Variants in SUPV3L1 observed in about 807,000 individuals in gnomAD.
SUPV3L1 encodes Suv3 like RNA helicase.
In SUPV3L1, 35 loss-of-function variants were observed where a neutral mutation model predicts 70.0. The ratio of observed to expected loss-of-function variants is 0.50; its 90% CI spans 0.38 to 0.66. The LOEUF (loss-of-function observed/expected upper bound fraction) is 0.66, where lower values mean the gene tolerates loss of function less well. Among genes scored for constraint, SUPV3L1 ranks in the 30% least tolerant of loss-of-function variants. The pLI is 0.00. For synonymous variants in SUPV3L1, 364 were observed against 341.9 expected (o/e 1.06, Z -0.71); for missense variants, 777 against 961.5 (o/e 0.81, Z 2.54).
chr10:69,198,572 G>A lies in SUPV3L1; in HGVS notation c.1204+20G>A, dbSNP rs763687184. ...CACCTGGTAATTATTGACTTTCCTC[G>A]TGACAAGATATGAAATCTCCTATCT... On this transcript the variant is annotated intron_variant, in intron 9 of 14. Coordinates refer to ENST00000359655, the MANE Select transcript of SUPV3L1 (RefSeq NM_003171.5). 22 of 1,607,298 alleles carry A rather than the reference G, an allele frequency of 1.4e-5. No homozygotes were observed. In the East Asian group the frequency reaches 2.5e-4, roughly 18 times the overall value.
chr10:69,180,255 C>T lies in SUPV3L1; in HGVS notation c.-37C>T, dbSNP rs1842007521. The stretch of plus-strand genomic sequence containing the variant: ...GCGCGTCACTGTCCGCCGCCGTGTC[C>T]GCGGCTGCGCCAGACAGTGTAGAAC... On this transcript the variant is annotated 5_prime_UTR_variant, in exon 1 of 15. Coordinates refer to ENST00000359655, the MANE Select transcript of SUPV3L1 (RefSeq NM_003171.5). 1.3e-6 allele frequency: 2 copies of T among 1,588,516 alleles called. No individual in the cohort carries two copies. Among genetic ancestry groups the T allele is most frequent in the South Asian group, 2.2e-5 (2 of 89,796 alleles).
In SUPV3L1 at chr10:69,186,474, T is replaced by C. The variant is rs565904074; in HGVS notation, c.381T>C (p.Phe127=). Residue 127 remains phenylalanine (F), a synonymous_variant, in exon 3 of 15, where the codon TTT becomes TTC. Coordinates refer to ENST00000359655, the MANE Select transcript of SUPV3L1 (RefSeq NM_003171.5). ...TCTTCCACCAAGCTTTCATAAGCTT[T>C]AGAAATTATATTATGCAGTCTCATT... The part of the protein sequence containing the change: ...ARLFHQAFIS[F]RNYIMQSHSL... 2 of 1,614,058 alleles carry C rather than the reference T, an allele frequency of 1.2e-6. No individual in the cohort carries two copies. Among genetic ancestry groups the C allele is most frequent in the South Asian group, 1.1e-5 (1 of 91,038 alleles).
At chr10:69,203,234 G>T (rs564666471) in intron 13 of SUPV3L1, among the ~76,000 whole-genome samples, 191 bp downstream of exon 13, 1 of 152,282 alleles carries the variant, frequency 6.6e-6, no homozygotes, top group African/African-American at 2.4e-5. Flanking sequence ...TGAGCCAGGG[G>T]TTACTGTCTT....
In SUPV3L1 at chr10:69,201,976, G is replaced by C. The variant is rs575343416; in HGVS notation, c.1519-463G>C. On this transcript the variant is annotated intron_variant, in intron 11 of 14. Coordinates refer to ENST00000359655, the MANE Select transcript of SUPV3L1 (RefSeq NM_003171.5). Reference sequence around the variant, plus strand: ...ATGCCTCAGCCTCCCGAGTAGCTGGGATTACAGGCACGCAGCACCACACCC... The same window carrying C: ...ATGCCTCAGCCTCCCGAGTAGCTGGCATTACAGGCACGCAGCACCACACCC... Among the ~76,000 whole-genome samples, 17 of 152,122 alleles carry C rather than the reference G, an allele frequency of 1.1e-4. No homozygotes were observed. In the East Asian group the frequency reaches 3.1e-3, roughly 28 times the overall value.
At chr10:69,182,054 G>A (rs1026823067) in intron 1 of SUPV3L1, among the ~76,000 whole-genome samples, 2 of 149,742 alleles carry the variant, frequency 1.3e-5, no homozygotes, top group African/African-American at 4.9e-5. Flanking sequence ...GAGTATAGTG[G>A]TATGATCATA....
intron 7 of SUPV3L1, among the ~76,000 whole-genome samples, chr10:69,195,547 GTCTTT>G (rs1268527716): frequency 3.9e-5 from 6 of 152,010 alleles, no homozygotes; most frequent in African/African-American, 7.2e-5. Context: ...TTTCATGCTA[GTCTTT>G]TCTTTTTTGT....
At chr10:69,201,841 A>G (rs1264070873) in intron 11 of SUPV3L1, among the ~76,000 whole-genome samples, 1 of 100,832 alleles carries the variant, frequency 9.9e-6, no homozygotes, top group African/African-American at 3.8e-5. Flanking sequence ...ACCTGGCCGT[A>G]AAATCTTTTT....
chr10:69,203,115 T>C, intron 13 of SUPV3L1, 72 bp downstream of exon 13: 1 of 1,452,054 alleles, frequency 6.9e-7, no homozygotes, highest in Non-Finnish European at 9.3e-7. Flanking sequence ...TACTTTGTTA[T>C]TCAAAATAAA....
intron 12 of SUPV3L1, 117 bp downstream of exon 12, chr10:69,202,636 A>G: frequency 8.4e-7 from 1 of 1,187,962 alleles, no homozygotes. Flanking sequence ...TATTTATAAA[A>G]TTTATTTTAC....
Position 69,199,145 on chromosome 10 carries a change from G to A in SUPV3L1, c.1246G>A (p.Asp416Asn). ...AQAKKFNDPN[D>N]PCKILVATDA... The stretch of plus-strand genomic sequence containing the variant: ...AGCAAAAAAGTTTAATGATCCCAAT[G>A]ACCCATGCAAAATCTTGGTTGCTAC... Residue 416 changes from aspartate (D) to asparagine (N), a missense_variant, in exon 10 of 15, where the codon GAC becomes AAC. By Grantham distance (23) the Asp-to-Asn change is conservative. Around this residue, in one of 2 missense-constraint regions of SUPV3L1, gnomAD observed 619 missense variants for 823.3 expected, o/e 0.75. Transcript: ENST00000359655. 2 of 1,612,722 alleles carry A rather than the reference G, an allele frequency of 1.2e-6. No individual in the cohort carries two copies. Among genetic ancestry groups the A allele is most frequent in the South Asian group, 1.1e-5 (1 of 90,652 alleles).
At chr10:69,185,796 G>C (rs940270093) in intron 1 of SUPV3L1, among the ~76,000 whole-genome samples, 191 bp from the exon 2 acceptor site, 3 of 151,998 alleles carry the variant, frequency 2.0e-5, no homozygotes, top group African/African-American at 7.3e-5. Flanking sequence ...CACCGTGCCC[G>C]GCCAACTCGA....
At chr10:69,197,769 G>A (rs7904007) in intron 8 of SUPV3L1, among the ~76,000 whole-genome samples, 33,609 of 151,982 alleles carry the variant, frequency 0.22, 3,981 homozygotes, top group African/African-American at 0.24. Flanking sequence ...GCATCTCACT[G>A]TGTTACCAAG....
rs753295339 is a variant in SUPV3L1, at chr10:69,180,301, T to C, written c.10T>C (p.Ser4Pro). 11 of 1,613,406 alleles carry C rather than the reference T, an allele frequency of 6.8e-6. No homozygotes were observed. The African/African-American group carries it at 8.0e-5, about 12-fold the overall frequency. MSF[S>P]RALLWARLPA... ...AGAACCTGCGGCCTCGATGTCCTTCTCCCGTGCCCTATTGTGGGCTCGGCT... is the reference window on the plus strand; with the variant it reads ...AGAACCTGCGGCCTCGATGTCCTTCCCCCGTGCCCTATTGTGGGCTCGGCT... The change falls in exon 1 of 15, where the codon TCC (serine) becomes CCC (proline). Residue 4 changes from serine to proline, a missense_variant. Ser to Pro is a moderately conservative substitution (Grantham distance 74). Around this residue, in one of 2 missense-constraint regions of SUPV3L1, gnomAD observed 158 missense variants for 138.3 expected, o/e 1.14. Transcript: ENST00000359655.
intron 5 of SUPV3L1, 21 bp from the exon 6 acceptor site, chr10:69,191,634 G>A (rs775074150): frequency 2.8e-5 from 45 of 1,596,658 alleles, no homozygotes; most frequent in Non-Finnish European, 3.9e-5. Flanking sequence ...AATAATTCTA[G>A]TTTTTTTTCT....
intron 1 of SUPV3L1, among the ~76,000 whole-genome samples, chr10:69,183,534 C>T (rs1240812880): frequency 6.6e-6 from 1 of 152,070 alleles, no homozygotes; most frequent in African/African-American, 2.4e-5. Context: ...CAGAAATTAG[C>T]CAGGCATGAT....
At chr10:69,191,568 T>A in intron 5 of SUPV3L1, 87 bp from the exon 6 acceptor site, 1 of 1,056,360 alleles carries the variant, frequency 9.5e-7, no homozygotes, top group Non-Finnish European at 1.4e-6. Flanking sequence ...ACTAATTTGG[T>A]GGTAGTGGAG....
At chr10:69,196,325 C>G (rs1436341665) in intron 7 of SUPV3L1, among the ~76,000 whole-genome samples, 1 of 152,056 alleles carries the variant, frequency 6.6e-6, no homozygotes, top group Non-Finnish European at 1.5e-5. Flanking sequence ...AACCCTGTCT[C>G]TACTAAAAAT....
Position 69,200,316 on chromosome 10 carries a change from G to T in SUPV3L1, c.1335G>T (p.Lys445Asn). 6.2e-7 allele frequency: 1 copy of T among 1,614,014 alleles called. No homozygotes were observed. The highest frequency in any genetic ancestry group is 8.5e-7 in the Non-Finnish European group (1 of 1,179,996). The change falls in exon 11 of 15, where the codon AAG (lysine) becomes AAT (asparagine). Residue 445 changes from lysine to asparagine, a missense_variant. By Grantham distance (94) the Lys-to-Asn change is moderately conservative. Around this residue, in one of 2 missense-constraint regions of SUPV3L1, gnomAD observed 619 missense variants for 823.3 expected, o/e 0.75. Coordinates refer to ENST00000359655, the MANE Select transcript of SUPV3L1 (RefSeq NM_003171.5). ...IRRIIFYSLI[K>N]PSINEKGERE... ...GAATTATTTTTTACTCCCTTATAAA[G>T]CCCAGTATCAATGAAAAGGGAGAGA...
chr10:69,181,411 A>G (rs535091445), intron 1 of SUPV3L1, among the ~76,000 whole-genome samples: 82 of 152,344 alleles, frequency 5.4e-4, no homozygotes, highest in African/African-American at 1.8e-3. Context: ...AATCTAAAAT[A>G]TAGACTACAA....
Sources: allele counts gnomAD v4.1 joint callset (sites outside exome capture counted in the v4.1 genomes callset), GRCh38; gene constraint gnomAD v4.1.1; regional missense constraint gnomAD v4.1.1; transcripts MANE v1.5; gene names NCBI Gene and HGNC (gene_info 2026-07-23, HGNC 2026-07-21).